The following PPP1R14C variants were observed in gnomAD, a reference collection of about 807,000 sequenced individuals.
The protein encoded by PPP1R14C is protein phosphatase 1 regulatory subunit 14C.
In PPP1R14C, 16 loss-of-function variants were observed where a neutral mutation model predicts 20.4. The observed-to-expected ratio is 0.78, with a 90% CI of 0.53 to 1.19. PPP1R14C has a LOEUF of 1.19. Ranked by LOEUF, PPP1R14C falls within the 50% of genes most tolerant of loss-of-function variation. The probability of loss-of-function intolerance (pLI) is 0.00; values close to 1 mark genes in which losing one functional copy is unlikely to be tolerated. For missense variants in PPP1R14C, 211 were observed against 220.1 expected (o/e 0.96, Z 0.26); for synonymous variants, 91 against 91.0 (o/e 1.00, Z 0.00).
intron 1 of PPP1R14C, among the ~76,000 whole-genome samples, chr6:150,168,635 T>C (rs1040552988): frequency 3.0e-4 from 46 of 152,264 alleles, no homozygotes; most frequent in Middle Eastern, 3.4e-3. Context: ...CAGGTGACCA[T>C]TGTGAAGTCC....
In PPP1R14C at chr6:150,185,462, G is replaced by A. The variant is rs1224694420; in HGVS notation, c.307-29282G>A. On this transcript the variant is annotated intron_variant, in intron 1 of 3. Transcript: ENST00000361131. This position sits in a 1 kb window ranked among gnomAD's most constrained non-coding sequence, Gnocchi z 4.1. ...CTTGCATTAACCACAGGAATTTCCA[G>A]CAACAGTCCACTACCATATTCCTAG... Among the ~76,000 whole-genome samples the A allele has an allele frequency of 3.3e-5, 5 of 152,080 alleles. No individual in the cohort carries two copies.
rs893186939 is a variant in PPP1R14C, at chr6:150,201,743, C to T, written c.307-13001C>T. 1.3e-5 allele frequency among the ~76,000 whole-genome samples: 2 copies of T among 152,148 alleles called. No individual in the cohort carries two copies. The highest frequency in any genetic ancestry group is 4.8e-5 in the African/African-American group (2 of 41,422). ...ATGGAAGCCAGTTAAGAGGCTCCTG[C>T]TATAGCTTATGCAAAAGATGATTTA... On this transcript the variant is annotated intron_variant, in intron 1 of 3. Coordinates refer to ENST00000361131, the MANE Select transcript of PPP1R14C (RefSeq NM_030949.3). The surrounding 1 kb of genome is among the most constrained non-coding windows in gnomAD (Gnocchi z 4.2).
intron 1 of PPP1R14C, among the ~76,000 whole-genome samples, chr6:150,193,758 T>C (rs1286820143): frequency 6.6e-6 from 1 of 152,116 alleles, no homozygotes; most frequent in Non-Finnish European, 1.5e-5. Flanking sequence ...TGATAAAAGC[T>C]CATTCCCCAT....
Position 150,165,418 on chromosome 6 carries a change from G to A in PPP1R14C, c.306+21920G>A, listed in dbSNP as rs1777412313. On this transcript the variant is annotated intron_variant, in intron 1 of 3. Coordinates refer to ENST00000361131, the MANE Select transcript of PPP1R14C (RefSeq NM_030949.3). ...ACATTTCTTCTCTAGGCCCAAATAT[G>A]TTTCTGGACCAGTTCTGCTGGCTAA... 2.0e-5 allele frequency among the ~76,000 whole-genome samples: 3 copies of A among 152,344 alleles called. No individual in the cohort carries two copies. In the South Asian group the frequency reaches 6.2e-4, roughly 32 times the overall value.
chr6:150,196,029 G>T (rs904251019), intron 1 of PPP1R14C: 10 of 985,280 alleles, frequency 1.0e-5, no homozygotes, highest in Non-Finnish European at 1.1e-5. Context: ...GGGGGACTGG[G>T]ATTCTCCTCT....
chr6:150,145,958 G>A (rs1384287426), intron 1 of PPP1R14C, among the ~76,000 whole-genome samples: 1 of 152,228 alleles, frequency 6.6e-6, no homozygotes, highest in Non-Finnish European at 1.5e-5. Flanking sequence ...TTGGAGCAGT[G>A]TAAAGTGATG....
chr6:150,205,158 G>A (rs1200295156), intron 1 of PPP1R14C, among the ~76,000 whole-genome samples: 3 of 152,116 alleles, frequency 2.0e-5, no homozygotes, highest in Admixed American at 2.0e-4. Flanking sequence ...CTGGTGGGTG[G>A]GAAAGAGAAA....
At chr6:150,196,045 G>T (rs1234195893) in intron 1 of PPP1R14C, 2 of 985,086 alleles carry the variant, frequency 2.0e-6, no homozygotes, top group Non-Finnish European at 2.4e-6. Flanking sequence ...CCTCTCTTGT[G>T]TCAGAGAGAC....
chr6:150,188,729 A>G (rs1582909730), intron 1 of PPP1R14C, among the ~76,000 whole-genome samples: 1 of 150,690 alleles, frequency 6.6e-6, no homozygotes, highest in African/African-American at 2.4e-5. Context: ...CTCATGATCC[A>G]CCCGCCTAGG....
intron 3 of PPP1R14C, among the ~76,000 whole-genome samples, chr6:150,244,223 C>T (rs563480902): frequency 6.6e-6 from 1 of 151,592 alleles, no homozygotes; most frequent in South Asian, 2.1e-4. Context: ...CCATTCTACT[C>T]AAACTTCTCT....
chr6:150,242,014 G>A (rs1267497819), intron 3 of PPP1R14C, among the ~76,000 whole-genome samples: 1 of 152,196 alleles, frequency 6.6e-6, no homozygotes, highest in Non-Finnish European at 1.5e-5. Context: ...ATTCTGTGTT[G>A]AGTGTGGGAG....
At chr6:150,170,315 T>C (rs189121596) in intron 1 of PPP1R14C, among the ~76,000 whole-genome samples, 244 of 150,428 alleles carry the variant, frequency 1.6e-3, no homozygotes, top group Non-Finnish European at 3.0e-3. Flanking sequence ...ATGTGCTAGT[T>C]ACTTTTTTTT....
intron 1 of PPP1R14C, among the ~76,000 whole-genome samples, chr6:150,146,862 G>T (rs1237886724): frequency 6.6e-6 from 1 of 152,200 alleles, no homozygotes; most frequent in Non-Finnish European, 1.5e-5. Flanking sequence ...GTTATGGCAG[G>T]AGTGGGGCCC....
At chr6:150,173,018 C>G (rs1777516131) in intron 1 of PPP1R14C, among the ~76,000 whole-genome samples, 1 of 152,104 alleles carries the variant, frequency 6.6e-6, no homozygotes, top group Admixed American at 6.5e-5. Context: ...CCCAAATAGA[C>G]CTGGAGTTTT....
chr6:150,148,215 G>A (rs1201038854), intron 1 of PPP1R14C, among the ~76,000 whole-genome samples: 2 of 152,170 alleles, frequency 1.3e-5, no homozygotes, highest in African/African-American at 4.8e-5. Context: ...TACTTAGCAC[G>A]TACTAGGCAA....
chr6:150,160,256 CTTTTTTTTTTTTTTT>C (rs535189665), intron 1 of PPP1R14C, among the ~76,000 whole-genome samples: 1 of 100,890 alleles, frequency 9.9e-6, no homozygotes, highest in African/African-American at 4.1e-5. Flanking sequence ...GTAGCTCATT[CTTTTTTTTTTTTTTT>C]TTTTTTTTTT....
chr6:150,144,067 G>A (rs1221918889), intron 1 of PPP1R14C, among the ~76,000 whole-genome samples: 2 of 152,242 alleles, frequency 1.3e-5, no homozygotes, highest in Non-Finnish European at 2.9e-5. Context: ...AGCCAGCCCC[G>A]ACGGTGTCTC....
At chr6:150,167,943 G>GTTCTCCCCTTCTCTCCTCCCCT (rs1777442644) in intron 1 of PPP1R14C, among the ~76,000 whole-genome samples, 1 of 9,976 alleles carries the variant, frequency 1.0e-4, no homozygotes, top group African/African-American at 4.0e-4. Flanking sequence ...CCATGTCTCC[G>GTTCTCCCCTTCTCTCCTCCCCT]TTCTCCCCTT....
At chr6:150,238,757 A>C (rs1266871998) in intron 3 of PPP1R14C, among the ~76,000 whole-genome samples, 1 of 152,272 alleles carries the variant, frequency 6.6e-6, no homozygotes, top group Non-Finnish European at 1.5e-5. Flanking sequence ...GCATGGGCTC[A>C]GTACATACTT....
Sources: gnomAD v4.1 joint callset for allele counts (sites outside exome capture counted in the v4.1 genomes callset) on GRCh38, gnomAD v4.1.1 for gene constraint, Gnocchi (gnomAD v3.1) non-coding constraint, MANE v1.5 for transcripts, NCBI Gene and HGNC (gene_info 2026-07-23, HGNC 2026-07-21) for gene names.